ZBTB4: variants seen among roughly 807,000 people sequenced by gnomAD.
ZBTB4 encodes the protein zinc finger and BTB domain containing 4, also known as zinc finger and BTB domain-containing protein 4.
A neutral mutation model predicts 59.8 loss-of-function variants in ZBTB4; 14 were observed. That is an observed-to-expected ratio of 0.23 (90% CI 0.15 to 0.37). The LOEUF (loss-of-function observed/expected upper bound fraction) is 0.37. Ranked by LOEUF, ZBTB4 falls within the 10% of genes least tolerant of loss-of-function variation. The pLI is 1.00. For synonymous variants in ZBTB4, 587 were observed against 575.2 expected, an observed-to-expected ratio of 1.02 and a Z score of -0.29; for missense variants, 1,198 against 1,380.8, an observed-to-expected ratio of 0.87 and a Z score of 2.10.
chr17:7,462,314 T>G lies in ZBTB4; in HGVS notation c.2668A>C (p.Arg890=). 1 of 1,613,750 alleles carries G rather than the reference T, an allele frequency of 6.2e-7. No homozygotes were observed. Among genetic ancestry groups the G allele is most frequent in the Non-Finnish European group, 8.5e-7 (1 of 1,179,882 alleles). Residue 890 remains arginine (R), a synonymous_variant, in exon 4 of 4, where the codon AGG becomes CGG. Coordinates refer to ENST00000380599, the MANE Select transcript of ZBTB4 (RefSeq NM_001128833.2). The surrounding 1 kb of genome is among the most constrained non-coding windows in gnomAD (Gnocchi z 7.5). ...GGCCCTTCACTCCCAGATTTTCCCC[T>G]GCCACCGCCAGGTTCCCGGCCGCCC... ...IGGGREPGGG[R]GKSGSEGPVG...
chr17:7,467,425 GA>G (rs150738420), intron 1 of ZBTB4, 98 bp from the exon 2 acceptor site: 6,721 of 225,602 alleles, frequency 0.03, 117 homozygotes, highest in East Asian at 0.057. Flanking sequence ...AGGAAGTGGG[GA>G]GGGGTGCAGT....
upstream of ZBTB4, among the ~76,000 whole-genome samples, chr17:7,480,118 G>A (rs2070325403): frequency 6.6e-6 from 1 of 152,076 alleles, no homozygotes; most frequent in Non-Finnish European, 1.5e-5. Flanking sequence ...GCAGGCCGCG[G>A]AAAAAGAAGG....
chr17:7,475,729 C>A (rs564847637), intron 1 of ZBTB4, among the ~76,000 whole-genome samples: 2 of 152,154 alleles, frequency 1.3e-5, no homozygotes, highest in African/African-American at 4.8e-5. Flanking sequence ...TGGGCCACTG[C>A]GCCCGGCCAT....
chr17:7,482,417 C>T, upstream of ZBTB4: 1 of 1,614,046 alleles, frequency 6.2e-7, no homozygotes, highest in Non-Finnish European at 8.5e-7. Context: ...CTCCGCCGTC[C>T]TCACCCTCTG....
In ZBTB4 at chr17:7,460,038, T is replaced by A. The variant is rs2069996241; in HGVS notation, c.*1902A>T. 6.6e-6 allele frequency: 1 copy of A among 152,588 alleles called. No homozygotes were observed. The allele number at this position is 152,588 out of a possible 1,614,324, so 9.5% of individuals were successfully genotyped here. A position where few individuals can be genotyped will look rare whatever the true frequency, so the allele number is the denominator to read the frequency against. On this transcript the variant is annotated 3_prime_UTR_variant, in exon 4 of 4. Transcript: ENST00000380599. The stretch of plus-strand genomic sequence containing the variant: ...TAATTTGTGTGTAGATATATATATA[T>A]GTATTCTTTATTACGTATTTTTTTG...
chr17:7,479,272 T>C (rs2150867820), intron 1 of ZBTB4, among the ~76,000 whole-genome samples, 184 bp downstream of exon 1: 1 of 148,940 alleles, frequency 6.7e-6, no homozygotes, highest in African/African-American at 2.5e-5. Context: ...CCCCCCAGCG[T>C]CGTGCGCGCC....
chr17:7,483,155 G>T (rs2070369748), upstream of ZBTB4: 9 of 1,403,140 alleles, frequency 6.4e-6, no homozygotes, highest in Middle Eastern at 2.6e-4. Flanking sequence ...TGGTGGAGAG[G>T]GACTACCTGG....
chr17:7,468,618 C>T (rs763273888), intron 1 of ZBTB4, among the ~76,000 whole-genome samples: 10 of 152,162 alleles, frequency 6.6e-5, no homozygotes, highest in South Asian at 2.1e-4. Flanking sequence ...CAGAGCTCTC[C>T]GGACCCTCTC....
Position 7,466,246 on chromosome 17 carries a change from C to T in ZBTB4, c.556G>A (p.Val186Ile). 6.2e-7 allele frequency: 1 copy of T among 1,613,238 alleles called. No individual in the cohort carries two copies. Among genetic ancestry groups the T allele is most frequent in the Non-Finnish European group, 8.5e-7 (1 of 1,179,656 alleles). The change falls in exon 3 of 4, where the codon GTA (valine) becomes ATA (isoleucine). Residue 186 changes from valine to isoleucine, a missense_variant. Val to Ile is a conservative substitution (Grantham distance 29). Transcript: ENST00000380599. The surrounding 1 kb of genome is among the most constrained non-coding windows in gnomAD (Gnocchi z 9.1). ...QGLGEGGDAWVPPTPAPMATS... is the reference protein window; with the variant it reads ...QGLGEGGDAWIPPTPAPMATS... ...GCCATGGGGGCTGGGGTAGGAGGTA[C>T]CCAGGCATCACCTCCCTCCCCCAGG...
chr17:7,469,721 C>T (rs1454952140), intron 1 of ZBTB4, among the ~76,000 whole-genome samples: 2 of 151,072 alleles, frequency 1.3e-5, no homozygotes, highest in African/African-American at 4.9e-5. Context: ...GCCGAGATCG[C>T]GCTGGATGGA....
upstream of ZBTB4, among the ~76,000 whole-genome samples, chr17:7,480,388 G>A (rs987120757): frequency 3.9e-5 from 6 of 152,324 alleles, no homozygotes; most frequent in East Asian, 1.2e-3. Context: ...TAAAAACTAA[G>A]GAGATGGAGG....
intron 2 of ZBTB4, 178 bp downstream of exon 2, chr17:7,467,079 A>G (rs1165854688): frequency 2.3e-6 from 2 of 857,042 alleles, no homozygotes; most frequent in Admixed American, 6.2e-5. Context: ...TGACCTCTGA[A>G]GTCACAGACT....
intron 1 of ZBTB4, among the ~76,000 whole-genome samples, chr17:7,473,276 C>A (rs1287172330): frequency 6.6e-6 from 1 of 151,884 alleles, no homozygotes; most frequent in African/African-American, 2.4e-5. Context: ...CCACTCCCGG[C>A]TAATTTTTTT....
chr17:7,469,943 G>A (rs1222903895), intron 1 of ZBTB4, among the ~76,000 whole-genome samples: 1 of 152,062 alleles, frequency 6.6e-6, no homozygotes, highest in East Asian at 1.9e-4. Flanking sequence ...TTAGCCGGAC[G>A]TGGTGGCAGG....
chr17:7,462,774 G>A lies in ZBTB4; in HGVS notation c.2208C>T (p.Thr736=). The A allele has an allele frequency of 6.2e-7, 1 of 1,602,570 alleles. No homozygotes were observed. The highest frequency in any genetic ancestry group is 8.5e-7 in the Non-Finnish European group (1 of 1,179,832). The change falls in exon 4 of 4, where the codon ACC becomes ACT. Residue 736 remains threonine, a synonymous_variant. Coordinates refer to ENST00000380599, the MANE Select transcript of ZBTB4 (RefSeq NM_001128833.2). This position sits in a 1 kb window ranked among gnomAD's most constrained non-coding sequence, Gnocchi z 7.5. The part of the protein sequence containing the change: ...HRCGDCAQTF[T]TLRKLRKHQE... ...GGTGCTTCCGCAGCTTTCTCAGGGT[G>A]GTGAAGGTCTGGGCACAGTCCCCGC...
intron 1 of ZBTB4, among the ~76,000 whole-genome samples, chr17:7,472,634 CTTTTTTTTTT>C (rs71157290): frequency 1.4e-5 from 1 of 72,922 alleles, no homozygotes; most frequent in Non-Finnish European, 2.3e-5. Flanking sequence ...CCTGGCCATT[CTTTTTTTTTT>C]TTTTTTTTTT....
chr17:7,466,726 G>A lies in ZBTB4; in HGVS notation c.76C>T (p.Arg26Cys), dbSNP rs145390844. The A allele has an allele frequency of 5.7e-5, 91 of 1,602,290 alleles. No individual in the cohort carries two copies. The highest frequency in any genetic ancestry group is 1.7e-4 in the Middle Eastern group (1 of 6,036). The change falls in exon 3 of 4, where the codon CGT (arginine) becomes TGT (cysteine). Residue 26 changes from arginine to cysteine, a missense_variant. This residue lies in a region of ZBTB4 where 44 missense variants were observed against 86.2 expected (regional missense o/e 0.51). Coordinates refer to ENST00000380599, the MANE Select transcript of ZBTB4 (RefSeq NM_001128833.2). This position sits in a 1 kb window ranked among gnomAD's most constrained non-coding sequence, Gnocchi z 9.1. ...VLRQLNEQRL[R>C]GLFCDVTLIA... ...AGGGTGACGTCACAGAAGAGGCCACGGAGCCGCTGTTCATTGAGCTGGCGC... is the reference window on the plus strand; with the variant it reads ...AGGGTGACGTCACAGAAGAGGCCACAGAGCCGCTGTTCATTGAGCTGGCGC...
chr17:7,482,841 T>G (rs746036622), upstream of ZBTB4: 3 of 1,612,094 alleles, frequency 1.9e-6, no homozygotes, highest in South Asian at 2.2e-5. Flanking sequence ...TGCGCTGTCC[T>G]GCATTCCGAG....
intron 1 of ZBTB4, among the ~76,000 whole-genome samples, chr17:7,479,072 G>A (rs776095705): frequency 5.3e-5 from 8 of 152,068 alleles, no homozygotes; most frequent in Non-Finnish European, 1.0e-4. Context: ...CCTCCCAGCA[G>A]CTTGCAGCGC....
Sources: gnomAD v4.1 joint callset for allele counts (sites outside exome capture counted in the v4.1 genomes callset) on GRCh38, gnomAD v4.1.1 for gene constraint, gnomAD v4.1.1 regional missense constraint, Gnocchi (gnomAD v3.1) non-coding constraint, MANE v1.5 for transcripts, NCBI Gene and HGNC (gene_info 2026-07-23, HGNC 2026-07-21) for gene names.